The following GRK5 variants were observed in gnomAD, a reference collection of about 807,000 sequenced individuals.
The protein encoded by GRK5 is g protein-coupled receptor kinase GRK5.
In GRK5, 40 loss-of-function variants were observed where a neutral mutation model predicts 78.4. The observed-to-expected ratio is 0.51, with a 90% confidence interval of 0.40 to 0.66. GRK5 has a LOEUF of 0.66. GRK5 is among the 30% of genes least tolerant of loss of function. The probability of loss-of-function intolerance (pLI) is 0.00; values close to 1 mark genes in which losing one functional copy is unlikely to be tolerated. For synonymous variants in GRK5, 289 were observed against 296.8 expected, an observed-to-expected ratio of 0.97 and a Z score of 0.27; for missense variants, 598 against 759.9, an observed-to-expected ratio of 0.79 and a Z score of 2.50.
At chr10:119,266,443 A>G (rs1251318137) in intron 1 of GRK5, among the ~76,000 whole-genome samples, 2 of 151,948 alleles carry the variant, frequency 1.3e-5, no homozygotes, top group Non-Finnish European at 2.9e-5. Context: ...AGCCTGGGCA[A>G]CAGAGCTAGA....
chr10:119,435,494 G>A (rs921717679), intron 8 of GRK5, among the ~76,000 whole-genome samples: 1 of 152,222 alleles, frequency 6.6e-6, no homozygotes, highest in Non-Finnish European at 1.5e-5. Flanking sequence ...CTCTAGGGCA[G>A]GGGCAAAATG....
chr10:119,437,001 G>A (rs904225178), intron 9 of GRK5, among the ~76,000 whole-genome samples, 160 bp downstream of exon 9: 1 of 152,204 alleles, frequency 6.6e-6, no homozygotes, highest in Non-Finnish European at 1.5e-5. Context: ...CCAGGAAGCT[G>A]GGGCCTCCGG....
chr10:119,214,493 G>T (rs1848538542), intron 1 of GRK5, among the ~76,000 whole-genome samples: 1 of 152,060 alleles, frequency 6.6e-6, no homozygotes, highest in South Asian at 2.1e-4. Flanking sequence ...GAAGACAACT[G>T]CTAATTTTCT....
In GRK5 at chr10:119,441,948, G is replaced by A. The variant is rs767329679; in HGVS notation, c.968-51G>A. Reference sequence around the variant, plus strand: ...TGCCCAAGGGCACACAGCAAGGCCGGGTGCCCATGCGGCTGTCCCAGGGAC... The same window carrying A: ...TGCCCAAGGGCACACAGCAAGGCCGAGTGCCCATGCGGCTGTCCCAGGGAC... On this transcript the variant is annotated intron_variant, in intron 10 of 15. Transcript: ENST00000392870. 1.4e-5 allele frequency: 21 copies of A among 1,449,074 alleles called. No homozygotes were observed. The South Asian group carries it at 2.3e-4, about 16-fold the overall frequency. The allele number at this position is 1,449,074 out of a possible 1,614,324, so 89.8% of individuals were successfully genotyped here.
At chr10:119,212,228 A>G (rs576117041) in intron 1 of GRK5, among the ~76,000 whole-genome samples, 1 of 152,212 alleles carries the variant, frequency 6.6e-6, no homozygotes, top group South Asian at 2.1e-4. Context: ...CAATGTTTTC[A>G]GAAGGCCTTT....
At chr10:119,433,042 G>C (rs200039710) in intron 8 of GRK5, among the ~76,000 whole-genome samples, 16 of 152,342 alleles carry the variant, frequency 1.1e-4, no homozygotes, top group African/African-American at 3.8e-4. Flanking sequence ...CTGCACTCCA[G>C]CCTGGGTGAC....
rs756417375 is a variant in GRK5 at position 119,430,349 on chromosome 10, C to T, written c.534-26C>T. On this transcript the variant is annotated intron_variant, in intron 6 of 15. Coordinates refer to ENST00000392870, the MANE Select transcript of GRK5 (RefSeq NM_005308.3). This position sits in a 1 kb window ranked among gnomAD's most constrained non-coding sequence, Gnocchi z 4.5. ...ATTCTGAGTCTTGGCACCATGAGAC[C>T]AGTGTGGGATTCTTCTTTCTTCCAG... 1 of 1,603,304 alleles carries T rather than the reference C, an allele frequency of 6.2e-7. No homozygotes were observed. Among genetic ancestry groups the T allele is most frequent in the Non-Finnish European group, 8.5e-7 (1 of 1,170,648 alleles).
At chr10:119,262,334 T>G (rs1289928540) in intron 1 of GRK5, among the ~76,000 whole-genome samples, 1 of 88,634 alleles carries the variant, frequency 1.1e-5, no homozygotes, top group Non-Finnish European at 2.3e-5. Context: ...TTTGGGTTTT[T>G]TTTTTTTTTT....
At chr10:119,289,131 A>AT (rs953973538) in intron 1 of GRK5, among the ~76,000 whole-genome samples, 6 of 151,842 alleles carry the variant, frequency 4.0e-5, no homozygotes, top group Non-Finnish European at 7.4e-5. Context: ...ATTTTTCAAG[A>AT]TTTTTTTTTA....
intron 6 of GRK5, among the ~76,000 whole-genome samples, chr10:119,425,314 A>T (rs1478337697): frequency 7.8e-6 from 1 of 128,684 alleles, no homozygotes; most frequent in African/African-American, 3.1e-5. Flanking sequence ...CATTCACGCA[A>T]ATGTAAACAG....
chr10:119,290,039 C>T (rs1182572818), intron 1 of GRK5, among the ~76,000 whole-genome samples: 1 of 152,172 alleles, frequency 6.6e-6, no homozygotes, highest in Non-Finnish European at 1.5e-5. Context: ...AGTTGCTGAA[C>T]AGCTCCTGGA....
At position 119,430,170 on chromosome 10, in the gene GRK5, C is replaced by T. The variant is rs1480837474; in HGVS notation, c.534-205C>T. Among the ~76,000 whole-genome samples, 1 of 152,070 alleles carries T rather than the reference C, an allele frequency of 6.6e-6. No individual in the cohort carries two copies. Among genetic ancestry groups the T allele is most frequent in the African/African-American group, 2.4e-5 (1 of 41,384 alleles). On this transcript the variant is annotated intron_variant, in intron 6 of 15. Transcript: ENST00000392870. The surrounding 1 kb of genome is among the most constrained non-coding windows in gnomAD (Gnocchi z 4.5). ...CTTGCAGGGGGCTGGGGGCTGGGGG[C>T]CAGGGGGCTTGGGATTTGAACACTC... is the stretch of plus-strand genomic sequence containing the variant.
rs568288381 is a variant in GRK5 at position 119,457,108 on chromosome 10, TTGAA to T, written c.*2044_*2047del. ...GTCTTCCAAGGAAGTAGAAAACTCT[TTGAA>T]TGGTATCTTAAGATCCTTAAGCTCT... On this transcript the variant is annotated 3_prime_UTR_variant, in exon 16 of 16. Coordinates refer to ENST00000392870, the MANE Select transcript of GRK5 (RefSeq NM_005308.3). 54 of 152,328 alleles carry T rather than the reference TTGAA, an allele frequency of 3.5e-4. No individual in the cohort carries two copies. Among genetic ancestry groups the T allele is most frequent in the African/African-American group, 1.2e-3 (50 of 41,558 alleles). 9.4% of individuals were successfully genotyped at this position (152,328 alleles called of 1,614,324 possible). A position where few individuals can be genotyped will look rare whatever the true frequency, so the allele number is the denominator to read the frequency against.
intron 2 of GRK5, among the ~76,000 whole-genome samples, chr10:119,373,108 A>C (rs1851571609): frequency 6.6e-6 from 1 of 152,274 alleles, no homozygotes; most frequent in South Asian, 2.1e-4. Flanking sequence ...GGCTGTTGTC[A>C]GACTCACGTG....
chr10:119,216,025 A>G (rs1848565996), intron 1 of GRK5, among the ~76,000 whole-genome samples: 2 of 152,226 alleles, frequency 1.3e-5, no homozygotes, highest in Admixed American at 1.3e-4. Flanking sequence ...ATCCACTTGA[A>G]AATGGTTTTC....
intron 1 of GRK5, among the ~76,000 whole-genome samples, chr10:119,313,077 G>GTGGTGGTAATGATGA (rs1850406114): frequency 4.1e-5 from 6 of 145,226 alleles, no homozygotes; most frequent in African/African-American, 1.3e-4. Flanking sequence ...GGTGATGGTG[G>GTGGTGGTAATGATGA]TGGTGGTGGT....
At chr10:119,285,795 C>T (rs938174541) in intron 1 of GRK5, among the ~76,000 whole-genome samples, 7 of 152,096 alleles carry the variant, frequency 4.6e-5, no homozygotes, top group South Asian at 2.1e-4. Context: ...AGCAGGGAGC[C>T]GCTGAGTGCT....
At chr10:119,344,486 C>T (rs1024556598) in intron 2 of GRK5, among the ~76,000 whole-genome samples, 6 of 152,146 alleles carry the variant, frequency 3.9e-5, no homozygotes, top group African/African-American at 7.2e-5. Context: ...GACGCCCGGT[C>T]GCAGGATGTC....
chr10:119,426,622 A>T (rs923537854), intron 6 of GRK5, among the ~76,000 whole-genome samples: 2 of 152,226 alleles, frequency 1.3e-5, no homozygotes, highest in African/African-American at 4.8e-5. Context: ...AAGCTCAGCC[A>T]TTTGGCCACA....
Sources: gnomAD v4.1 joint callset for allele counts (sites outside exome capture counted in the v4.1 genomes callset) on GRCh38, gnomAD v4.1.1 for gene constraint, Gnocchi (gnomAD v3.1) non-coding constraint, MANE v1.5 for transcripts, NCBI Gene and HGNC (gene_info 2026-07-23, HGNC 2026-07-21) for gene names.